TMEM87B: variants seen among roughly 807,000 people sequenced by gnomAD.
TMEM87B encodes transmembrane protein 87B.
A neutral mutation model predicts 80.3 loss-of-function variants in TMEM87B; 83 were observed. That is an observed-to-expected ratio of 1.03 (90% CI 0.87 to 1.24). TMEM87B has a LOEUF of 1.24. Ranked by LOEUF, TMEM87B falls within the 50% of genes most tolerant of loss-of-function variation. The pLI is 0.00. For missense variants in TMEM87B, 625 were observed against 674.4 expected (o/e 0.93, Z 0.81); for synonymous variants, 219 against 230.5 (o/e 0.95, Z 0.45).
intron 6 of TMEM87B, among the ~76,000 whole-genome samples, chr2:112,078,947 G>T (rs1030553308): frequency 4.6e-5 from 7 of 152,132 alleles, no homozygotes; most frequent in Non-Finnish European, 8.8e-5. Flanking sequence ...TTAGAATAGC[G>T]TGTATACAAG....
In TMEM87B at chr2:112,064,019, A is replaced by C. The variant is rs887282992; in HGVS notation, c.227-143A>C. The C allele has an allele frequency of 6.3e-6, 4 of 632,406 alleles. No individual in the cohort carries two copies. The East Asian group carries it at 8.3e-5, about 13-fold the overall frequency. The allele number at this position is 632,406 out of a possible 1,614,324, so 39.2% of individuals were successfully genotyped here. On this transcript the variant is annotated intron_variant, in intron 2 of 18. Transcript: ENST00000283206. ...AATGAATTTATCTGTCTCACTTTAC[A>C]GTGACTTTTTGGAGAAATTAGCTAA...
Position 112,102,818 on chromosome 2 carries a change from A to G in TMEM87B, c.1450+2123A>G, listed in dbSNP as rs542366144. Among the ~76,000 whole-genome samples the G allele has an allele frequency of 2.6e-5, 4 of 152,350 alleles. No individual in the cohort carries two copies. The South Asian group carries it at 6.2e-4, about 24-fold the overall frequency. On this transcript the variant is annotated intron_variant, in intron 15 of 18. Coordinates refer to ENST00000283206, the MANE Select transcript of TMEM87B (RefSeq NM_032824.3). ...CTCAGCAAACTAATTCTAAAATGGT[A>G]TGAAAACACTCCACAGTTAAAATTC...
chr2:112,057,850 G>A (rs532325709), intron 1 of TMEM87B, among the ~76,000 whole-genome samples: 3 of 141,334 alleles, frequency 2.1e-5, no homozygotes, highest in Admixed American at 7.2e-5. Flanking sequence ...TTTTTGAGAC[G>A]AAGTTTCGCT....
Position 112,116,117 on chromosome 2 carries a change from A to G in TMEM87B, c.1642A>G (p.Met548Val), listed in dbSNP as rs776240907. 1.9e-6 allele frequency: 3 copies of G among 1,613,118 alleles called. No individual in the cohort carries two copies. In the South Asian group the frequency reaches 3.3e-5, roughly 18 times the overall value. The change falls in exon 19 of 19, where the codon ATG becomes GTG. Residue 548 changes from methionine (M) to valine (V), a missense_variant. Transcript: ENST00000283206. ...GACCAGATCTGAAATGGCTGAAAAAATGTTCTCTTCAGAAAAGATAATGTG... is the reference window on the plus strand; with the variant it reads ...GACCAGATCTGAAATGGCTGAAAAAGTGTTCTCTTCAGAAAAGATAATGTG... ...IMTRSEMAEK[M>V]FSSEKIM
At chr2:112,100,493 C>A in intron 14 of TMEM87B, 129 bp from the exon 15 acceptor site, 1 of 568,140 alleles carries the variant, frequency 1.8e-6, no homozygotes, top group Non-Finnish European at 3.1e-6. Flanking sequence ...AAAATAATTA[C>A]GTTTTCATTA....
intron 16 of TMEM87B, among the ~76,000 whole-genome samples, chr2:112,107,467 G>A (rs1679802663): frequency 6.6e-6 from 1 of 151,440 alleles, no homozygotes; most frequent in Non-Finnish European, 1.5e-5. Flanking sequence ...GTGTGGCAAA[G>A]CAAAAATTCA....
Position 112,058,594 on chromosome 2 carries a change from A to G in TMEM87B, c.166-1383A>G, listed in dbSNP as rs1197331323. Among the ~76,000 whole-genome samples, 5 of 152,246 alleles carry G rather than the reference A, an allele frequency of 3.3e-5. No individual in the cohort carries two copies. The East Asian group carries it at 5.8e-4, about 18-fold the overall frequency. ...TGTGGGCCCAGTATATCCCATTTTT[A>G]GGTTGGATTAGACCTCCAGACTCCC... On this transcript the variant is annotated intron_variant, in intron 1 of 18. Transcript: ENST00000283206.
chr2:112,099,517 CAAT>C (rs1055199116), intron 14 of TMEM87B, among the ~76,000 whole-genome samples: 9 of 123,626 alleles, frequency 7.3e-5, no homozygotes, highest in Non-Finnish European at 1.1e-4. Flanking sequence ...TAAAATTATA[CAAT>C]AATACATATA....
chr2:112,098,463 G>T, intron 13 of TMEM87B, 132 bp from the exon 14 acceptor site: 2 of 763,924 alleles, frequency 2.6e-6, no homozygotes, highest in Non-Finnish European at 4.2e-6. Context: ...GAAAAAATAT[G>T]TGCTTGTTTA....
At position 112,097,200 on chromosome 2, in the gene TMEM87B, A is replaced by G. The variant is rs761343138; in HGVS notation, c.1214-33A>G. On this transcript the variant is annotated intron_variant, in intron 12 of 18. Transcript: ENST00000283206. Reference sequence around the variant, plus strand: ...CAGTAAATTATCTTAGTATTGTTATATTCCTTCAAAGGTGACTTTTTGTGT... The same window carrying G: ...CAGTAAATTATCTTAGTATTGTTATGTTCCTTCAAAGGTGACTTTTTGTGT... 2.5e-6 allele frequency: 4 copies of G among 1,604,130 alleles called. No homozygotes were observed. In the African/African-American group the frequency reaches 4.0e-5, roughly 16 times the overall value.
At chr2:112,085,170 C>T (rs187675651) in intron 8 of TMEM87B, among the ~76,000 whole-genome samples, 2 of 152,334 alleles carry the variant, frequency 1.3e-5, no homozygotes, top group Admixed American at 6.5e-5. Flanking sequence ...GTCCAGACTC[C>T]ATGACAGGGG....
intron 14 of TMEM87B, among the ~76,000 whole-genome samples, chr2:112,099,525 C>CATATATATATATATATATATAT (rs778514391): frequency 1.6e-5 from 2 of 122,816 alleles, no homozygotes; most frequent in East Asian, 2.5e-4. Context: ...TACAATAATA[C>CATATATATATATATATATATAT]ATATATATAT....
At chr2:112,083,015 C>G (rs747614509) in intron 8 of TMEM87B, among the ~76,000 whole-genome samples, 10 of 152,322 alleles carry the variant, frequency 6.6e-5, no homozygotes, top group Non-Finnish European at 1.3e-4. Context: ...AGCTGATGTC[C>G]TTTCTGATTT....
intron 4 of TMEM87B, among the ~76,000 whole-genome samples, chr2:112,071,299 C>G (rs1678625631): frequency 9.0e-6 from 1 of 111,364 alleles, no homozygotes; most frequent in Non-Finnish European, 1.8e-5. Context: ...CTAGTGATTC[C>G]CCCCCCGCCC....
At chr2:112,088,980 C>G (rs753137453) in intron 9 of TMEM87B, among the ~76,000 whole-genome samples, 1 of 152,090 alleles carries the variant, frequency 6.6e-6, no homozygotes, top group Non-Finnish European at 1.5e-5. Context: ...AGTTTGGTCT[C>G]GAACTCCTGA....
chr2:112,095,609 T>G, intron 11 of TMEM87B: 4 of 442,572 alleles, frequency 9.0e-6, no homozygotes, highest in Non-Finnish European at 1.2e-5. Flanking sequence ...TTTAAAGTTC[T>G]CATAGTAACC....
chr2:112,115,311 G>A (rs991286447), intron 18 of TMEM87B, among the ~76,000 whole-genome samples: 1 of 136,614 alleles, frequency 7.3e-6, no homozygotes, highest in African/African-American at 2.9e-5. Context: ...GAAAGATGTA[G>A]CATTACAGAA....
chr2:112,071,061 A>G (rs1372103756), intron 4 of TMEM87B, among the ~76,000 whole-genome samples: 16 of 151,516 alleles, frequency 1.1e-4, no homozygotes, highest in African/African-American at 3.2e-4. Context: ...TCCTGACTTC[A>G]TGATCCACCC....
intron 15 of TMEM87B, among the ~76,000 whole-genome samples, chr2:112,105,621 G>A (rs772479574): frequency 1.3e-5 from 2 of 152,264 alleles, no homozygotes; most frequent in African/African-American, 4.8e-5. Flanking sequence ...TTGTACATCA[G>A]GGATGTAAAG....
Sources: allele counts gnomAD v4.1 joint callset (sites outside exome capture counted in the v4.1 genomes callset), GRCh38; gene constraint gnomAD v4.1.1; transcripts MANE v1.5; gene names NCBI Gene and HGNC (gene_info 2026-07-23, HGNC 2026-07-21).